Variants in DNAH3 observed in about 807,000 individuals in gnomAD.
DNAH3 encodes dynein axonemal heavy chain 3.
In DNAH3, 332 loss-of-function variants were observed where a neutral mutation model predicts 432.5. That is an observed-to-expected ratio of 0.77 (90% CI 0.70 to 0.84). DNAH3 has a LOEUF of 0.84. DNAH3 is among the 40% of genes least tolerant of loss of function. The probability of loss-of-function intolerance (pLI) is 0.00; values close to 1 mark genes in which losing one functional copy is unlikely to be tolerated. For missense variants in DNAH3, 4,861 were observed against 5,114.0 expected (o/e 0.95, Z 1.51); for synonymous variants, 1,956 against 1,900.2 (o/e 1.03, Z -0.76).
At chr16:20,945,643 A>G (rs977766308) in intron 57 of DNAH3, among the ~76,000 whole-genome samples, 1 of 152,072 alleles carries the variant, frequency 6.6e-6, no homozygotes, top group Non-Finnish European at 1.5e-5. Flanking sequence ...GGCATATGCC[A>G]TCATGCCCGG....
chr16:21,033,583 A>T (rs1161576193), intron 36 of DNAH3, among the ~76,000 whole-genome samples: 1 of 152,118 alleles, frequency 6.6e-6, no homozygotes, highest in African/African-American at 2.4e-5. Context: ...GGAAGGAGGG[A>T]GGGAAAAAAC....
intron 1 of DNAH3, among the ~76,000 whole-genome samples, chr16:21,158,926 G>A (rs2092925597): frequency 6.6e-6 from 1 of 151,950 alleles, no homozygotes; most frequent in Admixed American, 6.6e-5. Context: ...ATGAGTCGCC[G>A]GGACGGGGCT....
At chr16:21,050,040 T>G (rs755094710) in intron 29 of DNAH3, 22 bp from the exon 30 acceptor site, 1 of 1,552,522 alleles carries the variant, frequency 6.4e-7, no homozygotes, top group Admixed American at 1.7e-5. Flanking sequence ...AAAATAGAAC[T>G]TCAGTGCTTG....
In DNAH3 at chr16:21,092,162, T is replaced by C. The variant is rs954793621; in HGVS notation, c.2666-5102A>G. 2.0e-5 allele frequency among the ~76,000 whole-genome samples: 3 copies of C among 152,010 alleles called. No homozygotes were observed. The East Asian group carries it at 5.8e-4, about 29-fold the overall frequency. On this transcript the variant is annotated intron_variant, in intron 18 of 61. Transcript: ENST00000261383. ...AAAAGATCCAGAATAGCCAACACAA[T>C]ATTGAAGGGGAAGAATAAAGTCAGA...
chr16:20,965,623 G>A (rs1014906299), intron 52 of DNAH3, among the ~76,000 whole-genome samples, 198 bp from the exon 53 acceptor site: 6 of 152,242 alleles, frequency 3.9e-5, no homozygotes, highest in African/African-American at 1.2e-4. Flanking sequence ...ATTCCTCCAT[G>A]ACCCCAAGTG....
intron 42 of DNAH3, among the ~76,000 whole-genome samples, chr16:21,001,471 G>A (rs1194892836): frequency 1.3e-5 from 2 of 152,112 alleles, no homozygotes; most frequent in African/African-American, 4.8e-5. Context: ...AGCAAAACTG[G>A]ACCGTGATGC....
chr16:20,970,815 C>T (rs1364153955), intron 51 of DNAH3, among the ~76,000 whole-genome samples: 2 of 150,800 alleles, frequency 1.3e-5, no homozygotes, highest in Non-Finnish European at 2.9e-5. Context: ...GATTCTTGCT[C>T]TTCCAGTCTT....
At chr16:21,023,739 G>A (rs1340121046) in intron 39 of DNAH3, among the ~76,000 whole-genome samples, 1 of 151,642 alleles carries the variant, frequency 6.6e-6, no homozygotes, top group African/African-American at 2.4e-5. Flanking sequence ...GGGACATTGG[G>A]GAGTCCCTAA....
chr16:20,988,744 T>C (rs1211699461), intron 44 of DNAH3, among the ~76,000 whole-genome samples: 39 of 152,372 alleles, frequency 2.6e-4, no homozygotes, highest in Non-Finnish European at 1.5e-5. Context: ...ACTTCAAAAA[T>C]GAAGCCGCGA....
intron 19 of DNAH3, among the ~76,000 whole-genome samples, chr16:21,084,109 C>G (rs1400535083): frequency 6.6e-6 from 1 of 152,022 alleles, no homozygotes; most frequent in Non-Finnish European, 1.5e-5. Context: ...TTCCCACCAC[C>G]AACTAGCCAT....
intron 9 of DNAH3, among the ~76,000 whole-genome samples, chr16:21,124,799 G>A (rs544531915): frequency 2.6e-5 from 4 of 152,158 alleles, no homozygotes; most frequent in South Asian, 2.1e-4. Context: ...ACAGGCATCC[G>A]CCACCATGCC....
At chr16:21,083,333 T>A (rs2091259456) in intron 19 of DNAH3, among the ~76,000 whole-genome samples, 1 of 152,152 alleles carries the variant, frequency 6.6e-6, no homozygotes, top group Admixed American at 6.5e-5. Context: ...GAGATTTTTT[T>A]ATAATGACTC....
chr16:21,131,479 G>GA (rs879286694), intron 7 of DNAH3, among the ~76,000 whole-genome samples: 32,249 of 63,024 alleles, frequency 0.51, 3,858 homozygotes, highest in South Asian at 0.58. Context: ...AAGGAAGGAA[G>GA]AAAGAAAAGA....
intron 12 of DNAH3, among the ~76,000 whole-genome samples, chr16:21,116,492 C>T (rs746431597): frequency 6.6e-5 from 10 of 152,102 alleles, no homozygotes; most frequent in Non-Finnish European, 1.5e-4. Flanking sequence ...TTTGCCACGA[C>T]CGACCGACCA....
rs2086537644 is a variant in DNAH3 at position 20,991,143 on chromosome 16, CT to C, written c.6602-3079del. On this transcript the variant is annotated intron_variant, in intron 44 of 61. Coordinates refer to ENST00000261383, the Ensembl canonical transcript of DNAH3. ...CCTTTTCTTCCTCCAAAAGTTATCACTCTTCTGACTTTTATAGTAATTGCTG... is the reference window on the plus strand; with the variant it reads ...CCTTTTCTTCCTCCAAAAGTTATCACCTTCTGACTTTTATAGTAATTGCTG... 3.3e-5 allele frequency among the ~76,000 whole-genome samples: 5 copies of C among 152,322 alleles called. No individual in the cohort carries two copies. The South Asian group carries it at 1.0e-3, about 32-fold the overall frequency.
chr16:20,957,018 C>A (rs963126864), intron 54 of DNAH3, among the ~76,000 whole-genome samples: 2 of 152,176 alleles, frequency 1.3e-5, no homozygotes, highest in African/African-American at 2.4e-5. Flanking sequence ...CCACCTCACT[C>A]GGCCCCAAAC....
At chr16:21,071,200 G>A (rs999628357) in intron 21 of DNAH3, among the ~76,000 whole-genome samples, 2 of 151,966 alleles carry the variant, frequency 1.3e-5, no homozygotes, top group Non-Finnish European at 2.9e-5. Context: ...ATGACACCAC[G>A]CCCTGCTAAT....
intron 41 of DNAH3, among the ~76,000 whole-genome samples, chr16:21,018,209 A>C (rs936054538): frequency 4.6e-5 from 7 of 152,196 alleles, no homozygotes; most frequent in Non-Finnish European, 8.8e-5. Context: ...TAAGATATGC[A>C]ACATTACTAT....
At chr16:21,111,520 C>A (rs180798924) in intron 14 of DNAH3, 106 bp downstream of exon 14, 30 of 1,175,688 alleles carry the variant, frequency 2.6e-5, no homozygotes, top group Non-Finnish European at 3.1e-5. Context: ...AAAACTTGAT[C>A]TAGAAAATAA....
Sources: gnomAD v4.1 joint callset for allele counts (sites outside exome capture counted in the v4.1 genomes callset) on GRCh38, gnomAD v4.1.1 for gene constraint, MANE v1.5 for transcripts, NCBI Gene and HGNC (gene_info 2026-07-23, HGNC 2026-07-21) for gene names.